The following POLR1A variants were observed in gnomAD, a reference collection of about 807,000 sequenced individuals.
POLR1A encodes the protein DNA-directed RNA polymerase I subunit RPA1.
Under a neutral mutation model 205.3 loss-of-function variants are expected in POLR1A, and 84 were observed. That is an observed-to-expected ratio of 0.41 (90% confidence interval 0.34 to 0.49). POLR1A has a LOEUF of 0.49. Ranked by LOEUF, POLR1A falls within the 20% of genes least tolerant of loss-of-function variation. The pLI is 0.22. For synonymous variants in POLR1A, 799 were observed against 863.7 expected (o/e 0.93, Z 1.31); for missense variants, 1,645 against 2,204.5 (o/e 0.75, Z 5.08).
intron 24 of POLR1A, 76 bp downstream of exon 24, chr2:86,041,813 T>C: frequency 7.9e-7 from 1 of 1,269,780 alleles, no homozygotes; most frequent in Non-Finnish European, 1.1e-6. Context: ...CCGGAGTGAG[T>C]AGGGCAGGGG....
intron 14 of POLR1A, among the ~76,000 whole-genome samples, chr2:86,063,598 A>G (rs1207253157): frequency 1.3e-5 from 2 of 152,140 alleles, no homozygotes; most frequent in Non-Finnish European, 2.9e-5. Flanking sequence ...ACAAACACAG[A>G]AGTAAAAAAA....
In POLR1A at chr2:86,026,583, C is replaced by T. The variant is rs1007108494; in HGVS notation, c.*840G>A. 1 of 152,298 alleles carries T rather than the reference C, an allele frequency of 6.6e-6. No homozygotes were observed. Among genetic ancestry groups the T allele is most frequent in the African/African-American group, 2.4e-5 (1 of 41,456 alleles). 9.4% of individuals were successfully genotyped at this position (152,298 alleles called of 1,614,324 possible). A position where few individuals can be genotyped will look rare whatever the true frequency, so the allele number is the denominator to read the frequency against. ...TGGGCTGGAGGCCTGTGTTCCTTCC[C>T]ATAAGCAGGGCCTGTGGGGTGTATG... On this transcript the variant is annotated 3_prime_UTR_variant, in exon 34 of 34. Transcript: ENST00000263857.
rs1672855666 is a variant in POLR1A, at chr2:86,054,173, A to G, written c.2175T>C (p.Pro725=). 1 of 1,614,024 alleles carries G rather than the reference A, an allele frequency of 6.2e-7. No individual in the cohort carries two copies. Among genetic ancestry groups the G allele is most frequent in the Non-Finnish European group, 8.5e-7 (1 of 1,179,880 alleles). ...AWVKETPRSV[P]GFNPDSMCES... is the part of the protein sequence containing the mutation. ...CGCACATCGAGTCAGGGTTAAAGCC[A>G]GGAACGGATCGAGGAGTTTCCTTCA... Residue 725 remains proline (P), a synonymous_variant, in exon 15 of 34, where the codon CCT becomes CCC. Coordinates refer to ENST00000263857, the MANE Select transcript of POLR1A (RefSeq NM_015425.6).
At chr2:86,084,665 CTTTTTTTTT>C (rs546893329) in intron 6 of POLR1A, among the ~76,000 whole-genome samples, 3 of 127,622 alleles carry the variant, frequency 2.4e-5, no homozygotes, top group Non-Finnish European at 3.3e-5. Context: ...TTGCCTTTTC[CTTTTTTTTT>C]TTTTTTTTTT....
rs760022156 is a variant in POLR1A, at chr2:86,088,817, T to C, written c.594A>G (p.Ala198=). 37 of 1,614,004 alleles carry C rather than the reference T, an allele frequency of 2.3e-5. No homozygotes were observed. The Admixed American group carries it at 6.2e-4, about 27-fold the overall frequency. The change falls in exon 5 of 34, where the codon GCA becomes GCG. Residue 198 remains alanine, a synonymous_variant. Coordinates refer to ENST00000263857, the MANE Select transcript of POLR1A (RefSeq NM_015425.6). ...KSKLIALFWK[A]HMNAKRCPHC... ...GGGGACAGCGCTTAGCATTCATATG[T>C]GCCTTCCAGAAGAGAGCAATGAGCT...
intron 28 of POLR1A, among the ~76,000 whole-genome samples, 178 bp from the exon 29 acceptor site, chr2:86,032,560 C>T (rs758852659): frequency 1.3e-5 from 2 of 152,116 alleles, no homozygotes; most frequent in Non-Finnish European, 2.9e-5. Flanking sequence ...CTGGCATCTA[C>T]TCTGTCCAGT....
At chr2:86,068,241 T>C (rs1382211093) in intron 13 of POLR1A, among the ~76,000 whole-genome samples, 3 of 152,158 alleles carry the variant, frequency 2.0e-5, no homozygotes, top group Non-Finnish European at 4.4e-5. Flanking sequence ...TCCCCGGTAG[T>C]GTCCCCTCTG....
chr2:86,074,642 T>G (rs1021585041), intron 12 of POLR1A, among the ~76,000 whole-genome samples: 1 of 152,238 alleles, frequency 6.6e-6, no homozygotes, highest in Non-Finnish European at 1.5e-5. Flanking sequence ...TGGTTATCAC[T>G]GGCACAGAGC....
At chr2:86,045,561 T>C in intron 20 of POLR1A, 56 bp downstream of exon 20, 1 of 1,585,486 alleles carries the variant, frequency 6.3e-7, no homozygotes. Context: ...ATAGTTCACC[T>C]ACAATTAAGC....
chr2:86,057,163 G>A (rs311582), intron 14 of POLR1A, among the ~76,000 whole-genome samples: 136,107 of 152,240 alleles, frequency 0.89, 61,190 homozygotes, highest in East Asian at 0.98. Context: ...AGGAACATCA[G>A]TATTAACAGG....
Position 86,048,877 on chromosome 2 carries a change from G to T in POLR1A, c.2634+7C>A. On this transcript the variant is annotated splice_region_variant and intron_variant, in intron 18 of 33. Coordinates refer to ENST00000263857, the MANE Select transcript of POLR1A (RefSeq NM_015425.6). ...GTGGGGATAAATGCATGCAATGCTG[G>T]GCTAACCTTGTTAATCTCATTGCTG... is the stretch of plus-strand genomic sequence containing the variant. The T allele has an allele frequency of 6.2e-7, 1 of 1,612,106 alleles. No individual in the cohort carries two copies. The highest frequency in any genetic ancestry group is 8.5e-7 in the Non-Finnish European group (1 of 1,178,166).
intron 16 of POLR1A, among the ~76,000 whole-genome samples, chr2:86,052,267 A>C (rs1052164543): frequency 3.3e-5 from 5 of 152,188 alleles, no homozygotes; most frequent in African/African-American, 1.2e-4. Flanking sequence ...TTCTGACAAA[A>C]GGGAAACCCC....
rs1359906639 is a variant in POLR1A at position 86,024,876 on chromosome 2, C to T, written c.*2547G>A. 1.3e-5 allele frequency: 2 copies of T among 152,114 alleles called. No individual in the cohort carries two copies. Among genetic ancestry groups the T allele is most frequent in the Non-Finnish European group, 2.9e-5 (2 of 68,050 alleles). 9.4% of individuals were successfully genotyped at this position (152,114 alleles called of 1,614,324 possible). A position where few individuals can be genotyped will look rare whatever the true frequency, so the allele number is the denominator to read the frequency against. Reference sequence around the variant, plus strand: ...GCTCTGGCCGGCACAGTAGCTCACGCCTGTAAACCCAGCACTTTGGGAGGC... The same window carrying T: ...GCTCTGGCCGGCACAGTAGCTCACGTCTGTAAACCCAGCACTTTGGGAGGC... On this transcript the variant is annotated 3_prime_UTR_variant, in exon 34 of 34. Transcript: ENST00000263857.
chr2:86,067,097 C>T (rs1011421074), intron 13 of POLR1A, among the ~76,000 whole-genome samples: 1 of 152,172 alleles, frequency 6.6e-6, no homozygotes, highest in Non-Finnish European at 1.5e-5. Context: ...TAGACAATTA[C>T]TTTGATGGCT....
chr2:86,027,591 T>A (rs1672292426), intron 33 of POLR1A, 68 bp from the exon 34 acceptor site: 4 of 1,365,674 alleles, frequency 2.9e-6, no homozygotes, highest in Non-Finnish European at 4.2e-6. Flanking sequence ...GAGGTGATTA[T>A]GGGGCTGAAC....
intron 27 of POLR1A, among the ~76,000 whole-genome samples, chr2:86,034,917 C>A (rs1294656398): frequency 6.6e-6 from 1 of 152,178 alleles, no homozygotes; most frequent in Non-Finnish European, 1.5e-5. Flanking sequence ...ATCCCCCAGG[C>A]TGGAGTGCAG....
At chr2:86,055,953 A>G (rs1205730003) in intron 14 of POLR1A, among the ~76,000 whole-genome samples, 7 of 152,232 alleles carry the variant, frequency 4.6e-5, no homozygotes, top group Non-Finnish European at 1.0e-4. Flanking sequence ...AAGAAAATAA[A>G]TAAAAGACAT....
At chr2:86,085,230 G>A (rs1007635052) in intron 6 of POLR1A, among the ~76,000 whole-genome samples, 1 of 152,092 alleles carries the variant, frequency 6.6e-6, no homozygotes, top group Non-Finnish European at 1.5e-5. Flanking sequence ...CAAAGCGCTG[G>A]GATTACAAGT....
chr2:86,033,626 T>C (rs756735339), intron 28 of POLR1A, 35 bp downstream of exon 28: 2 of 1,606,378 alleles, frequency 1.2e-6, no homozygotes, highest in Non-Finnish European at 8.5e-7. Flanking sequence ...GGGCTGTCCC[T>C]GTGCAACTCT....
Sources: gnomAD v4.1 joint callset for allele counts (sites outside exome capture counted in the v4.1 genomes callset) on GRCh38, gnomAD v4.1.1 for gene constraint, MANE v1.5 for transcripts, NCBI Gene and HGNC (gene_info 2026-07-23, HGNC 2026-07-21) for gene names.